Variants in DNAH9 observed in about 807,000 individuals in gnomAD.
DNAH9 encodes the protein DNAH9 variant protein.
Under a neutral mutation model 471.6 loss-of-function variants are expected in DNAH9, and 345 were observed. The ratio of observed to expected loss-of-function variants is 0.73; its 90% confidence interval spans 0.67 to 0.80. The LOEUF (loss-of-function observed/expected upper bound fraction) is 0.80, where lower values mean the gene tolerates loss of function less well. Ranked by LOEUF, DNAH9 falls within the 30% of genes least tolerant of loss-of-function variation. The pLI, the probability that DNAH9 is intolerant of heterozygous loss-of-function variation, is 0.00. For missense variants in DNAH9, 5,407 were observed against 5,609.2 expected (o/e 0.96, Z 1.15); for synonymous variants, 2,093 against 2,123.6 (o/e 0.99, Z 0.40).
intron 46 of DNAH9, among the ~76,000 whole-genome samples, 178 bp from the exon 47 acceptor site, chr17:11,822,260 C>T (rs962166993): frequency 8.5e-5 from 13 of 152,202 alleles, no homozygotes; most frequent in East Asian, 1.9e-4. Flanking sequence ...TTGTGGATCA[C>T]GCAGTCCCAG....
chr17:11,783,802 G>A (rs1353510444), intron 40 of DNAH9, 54 bp downstream of exon 40: 5 of 1,424,308 alleles, frequency 3.5e-6, no homozygotes, highest in Non-Finnish European at 4.9e-6. Context: ...TAGAGCTGAT[G>A]CCCCTTGATT....
chr17:11,640,557 G>A (rs182724685), intron 10 of DNAH9, among the ~76,000 whole-genome samples, 173 bp downstream of exon 10: 36 of 152,304 alleles, frequency 2.4e-4, no homozygotes, highest in Non-Finnish European at 5.3e-4. Flanking sequence ...TGATATTGAT[G>A]CATTTGGACT....
intron 14 of DNAH9, among the ~76,000 whole-genome samples, chr17:11,663,202 C>A (rs2073807041): frequency 6.6e-6 from 1 of 152,178 alleles, no homozygotes; most frequent in African/African-American, 2.4e-5. Context: ...TCTTCCAACA[C>A]TATATGGCCT....
chr17:11,738,973 A>G lies in DNAH9; in HGVS notation c.5908A>G (p.Ile1970Val), dbSNP rs868321314. Residue 1970 changes from isoleucine (I) to valine (V), a missense_variant, in exon 29 of 69, where the codon ATC (isoleucine) becomes GTC (valine). Around this residue, in one of 3 missense-constraint regions of DNAH9, gnomAD observed 4,636 missense variants for 4,900.3 expected, o/e 0.95. Transcript: ENST00000262442. ...CCTGAATCCTTCTGTCGGTATCTTCATCACCATGAACCCAGGCTATGCTGG... is the reference window on the plus strand; with the variant it reads ...CCTGAATCCTTCTGTCGGTATCTTCGTCACCATGAACCCAGGCTATGCTGG... ...ISLNPSVGIFITMNPGYAGRT... is the reference protein window; with the variant it reads ...ISLNPSVGIFVTMNPGYAGRT... The G allele has an allele frequency of 6.2e-7, 1 of 1,614,158 alleles. No individual in the cohort carries two copies. Among genetic ancestry groups the G allele is most frequent in the Non-Finnish European group, 8.5e-7 (1 of 1,179,990 alleles).
intron 26 of DNAH9, among the ~76,000 whole-genome samples, chr17:11,706,420 A>G (rs945359654): frequency 1.3e-5 from 2 of 152,160 alleles, no homozygotes; most frequent in African/African-American, 4.8e-5. Flanking sequence ...TTAAAGTCCA[A>G]TTCTAATGAG....
At chr17:11,828,473 CA>C (rs56689551) in intron 48 of DNAH9, among the ~76,000 whole-genome samples, 141 of 125,764 alleles carry the variant, frequency 1.1e-3, no homozygotes, top group Admixed American at 1.5e-3. Context: ...AACTCCGTCT[CA>C]AAAAAAAAAA....
intron 11 of DNAH9, among the ~76,000 whole-genome samples, chr17:11,646,476 T>C (rs1299666046): frequency 6.6e-6 from 1 of 152,200 alleles, no homozygotes; most frequent in Non-Finnish European, 1.5e-5. Context: ...GTCCATGAGC[T>C]ACGTAAAGAT....
At chr17:11,709,557 C>T (rs559162241) in intron 26 of DNAH9, among the ~76,000 whole-genome samples, 9 of 152,118 alleles carry the variant, frequency 5.9e-5, no homozygotes, top group East Asian at 1.9e-4. Context: ...AAAGCTCACC[C>T]GTTTTACAGT....
In DNAH9 at chr17:11,689,776, C is replaced by A. The variant is rs534831142; in HGVS notation, c.3954C>A (p.Ala1318=). 6.2e-7 allele frequency: 1 copy of A among 1,614,184 alleles called. No homozygotes were observed. Among genetic ancestry groups the A allele is most frequent in the East Asian group, 2.2e-5 (1 of 44,874 alleles). Residue 1318 remains alanine, a synonymous_variant, in exon 20 of 69, where the codon GCC becomes GCA. Coordinates refer to ENST00000262442, the MANE Select transcript of DNAH9 (RefSeq NM_001372.4). ...TIGMVTSSIH[A]WETTPWRNIN... ...GAATGGTGACCTCCAGCATCCATGC[C>A]TGGGAGACCACACCCTGGAGGAATA... is the stretch of plus-strand genomic sequence containing the variant.
chr17:11,893,478 A>G (rs145562348), intron 58 of DNAH9, among the ~76,000 whole-genome samples: 1,864 of 152,316 alleles, frequency 0.012, 10 homozygotes, highest in South Asian at 0.041. Context: ...ATGCCCATCA[A>G]TGGTAGACTG....
At chr17:11,688,245 A>T (rs182648546) in intron 19 of DNAH9, among the ~76,000 whole-genome samples, 56 of 152,252 alleles carry the variant, frequency 3.7e-4, no homozygotes, top group Middle Eastern at 6.8e-3. Context: ...AGGTGCTTGC[A>T]TGCCATAAAC....
intron 20 of DNAH9, among the ~76,000 whole-genome samples, chr17:11,690,862 G>A (rs1055545671): frequency 1.3e-5 from 2 of 152,054 alleles, no homozygotes; most frequent in South Asian, 2.1e-4. Context: ...TCTATAAACC[G>A]CTGACCTGTG....
At chr17:11,831,692 A>T (rs1044057327) in intron 48 of DNAH9, among the ~76,000 whole-genome samples, 2 of 152,124 alleles carry the variant, frequency 1.3e-5, no homozygotes, top group African/African-American at 4.8e-5. Flanking sequence ...GTTCTCCCCC[A>T]CAGGCAATGC....
chr17:11,897,606 C>T (rs1173380705), intron 59 of DNAH9, among the ~76,000 whole-genome samples: 3 of 152,152 alleles, frequency 2.0e-5, no homozygotes, highest in Non-Finnish European at 4.4e-5. Context: ...AGAACTGGAG[C>T]AATGATGGAG....
intron 25 of DNAH9, 21 bp downstream of exon 25, chr17:11,704,463 G>T (rs1444571026): frequency 1.2e-6 from 2 of 1,609,918 alleles, no homozygotes; most frequent in Admixed American, 3.3e-5. Flanking sequence ...AACATCCAGG[G>T]ATGCCCACTT....
In DNAH9 at chr17:11,923,954, A is replaced by G; in HGVS notation, c.11877+13A>G. ...GGTTATTTTGCAGGTATGTTCCTCT[A>G]CCCTTGTCTGGGTTATCTTGACCCA... On this transcript the variant is annotated intron_variant, in intron 62 of 68. Transcript: ENST00000262442. 1.9e-6 allele frequency: 3 copies of G among 1,612,426 alleles called. No individual in the cohort carries two copies. The South Asian group carries it at 3.3e-5, about 18-fold the overall frequency.
intron 62 of DNAH9, 58 bp from the exon 63 acceptor site, chr17:11,929,808 C>T (rs997998903): frequency 1.4e-6 from 2 of 1,449,300 alleles, no homozygotes; most frequent in Non-Finnish European, 1.9e-6. Context: ...CAACTATTTA[C>T]TGCTAACAGA....
chr17:11,908,833 G>A (rs9896353), intron 61 of DNAH9, among the ~76,000 whole-genome samples: 27,088 of 152,190 alleles, frequency 0.18, 2,673 homozygotes, highest in African/African-American at 0.25. Context: ...CGCGGATGCC[G>A]GGTGTTTATC....
chr17:11,934,148 AC>A, intron 65 of DNAH9, 77 bp downstream of exon 65: 1 of 1,482,184 alleles, frequency 6.7e-7, no homozygotes, highest in Non-Finnish European at 9.2e-7. Context: ...GCCGACCTGC[AC>A]CACCAGGGAA....
Sources: allele counts gnomAD v4.1 joint callset (sites outside exome capture counted in the v4.1 genomes callset), GRCh38; gene constraint gnomAD v4.1.1; regional missense constraint gnomAD v4.1.1; transcripts MANE v1.5; gene names NCBI Gene and HGNC (gene_info 2026-07-23, HGNC 2026-07-21).